PIK3C2A: variants seen among roughly 807,000 people sequenced by gnomAD.
PIK3C2A encodes phosphatidylinositol 4-phosphate 3-kinase C2 domain-containing subunit alpha.
A neutral mutation model predicts 204.5 loss-of-function variants in PIK3C2A; 97 were observed. That is an observed-to-expected ratio of 0.47 (90% confidence interval 0.40 to 0.56). PIK3C2A has a LOEUF of 0.56. PIK3C2A is among the 20% of genes least tolerant of loss of function. The pLI is 0.00. For synonymous variants in PIK3C2A, 653 were observed against 664.4 expected, an observed-to-expected ratio of 0.98 and a Z score of 0.26; for missense variants, 1,735 against 1,969.2, an observed-to-expected ratio of 0.88 and a Z score of 2.25.
chr11:17,101,607 CTTTTTTTT>C lies in PIK3C2A; in HGVS notation c.3852-181_3852-174del, dbSNP rs768044410. Among the ~76,000 whole-genome samples, 8 of 140,522 alleles carry C rather than the reference CTTTTTTTT, an allele frequency of 5.7e-5. No individual in the cohort carries two copies. In the Admixed American group the frequency reaches 5.7e-4, roughly 10 times the overall value. The allele number at this position is 140,522 out of a possible 152,430, so 92.2% of individuals were successfully genotyped here. A position where few individuals can be genotyped will look rare whatever the true frequency, so the allele number is the denominator to read the frequency against. ...TAAAATAACATTTTTCTTTTTTTTT[CTTTTTTTT>C]TTTTTTGAGACAGAGTCCTGCTCTG... On this transcript the variant is annotated intron_variant, in intron 24 of 32. Coordinates refer to ENST00000691414, the MANE Select transcript of PIK3C2A (RefSeq NM_002645.4).
rs1848214001 is a variant in PIK3C2A at position 17,088,656 on chromosome 11, A to C, written c.*1082T>G. 6.6e-6 allele frequency: 1 copy of C among 152,272 alleles called. No individual in the cohort carries two copies. The highest frequency in any genetic ancestry group is 6.5e-5 in the Admixed American group (1 of 15,288). 9.4% of individuals were successfully genotyped at this position (152,272 alleles called of 1,614,324 possible). ...ATGTGAATGTAAAATGTTTACACAC[A>C]TAAGTAAGACAGTTTACAAGACAAA... On this transcript the variant is annotated 3_prime_UTR_variant, in exon 33 of 33. Coordinates refer to ENST00000691414, the MANE Select transcript of PIK3C2A (RefSeq NM_002645.4).
chr11:17,106,798 T>C (rs1409440969), intron 22 of PIK3C2A, among the ~76,000 whole-genome samples: 2 of 152,162 alleles, frequency 1.3e-5, no homozygotes, highest in South Asian at 2.1e-4. Flanking sequence ...TAAAGTTACA[T>C]ATAAGACACA....
intron 2 of PIK3C2A, among the ~76,000 whole-genome samples, chr11:17,163,066 G>A (rs997808472): frequency 6.6e-6 from 1 of 152,158 alleles, no homozygotes; most frequent in African/African-American, 2.4e-5. Context: ...AGCACTTGGG[G>A]GGACTGAGGC....
intron 8 of PIK3C2A, among the ~76,000 whole-genome samples, chr11:17,143,755 G>A (rs7396958): frequency 0.42 from 63,826 of 151,942 alleles, 13,749 homozygotes; most frequent in Non-Finnish European, 0.47. Flanking sequence ...TGACCAACAT[G>A]GTGAAACCCT....
chr11:17,187,797 G>A (rs1038376412), intron 1 of PIK3C2A, among the ~76,000 whole-genome samples: 3 of 151,672 alleles, frequency 2.0e-5, no homozygotes, highest in Non-Finnish European at 2.9e-5. Flanking sequence ...ATATATACTC[G>A]CTCACAAACT....
At chr11:17,113,881 A>T (rs956187129) in intron 20 of PIK3C2A, among the ~76,000 whole-genome samples, 1 of 151,338 alleles carries the variant, frequency 6.6e-6, no homozygotes, top group African/African-American at 2.4e-5. Flanking sequence ...GGAGTTCAAG[A>T]CCAGCCTGGT....
chr11:17,149,019 A>G (rs562975352), intron 4 of PIK3C2A, among the ~76,000 whole-genome samples: 28 of 152,304 alleles, frequency 1.8e-4, no homozygotes, highest in African/African-American at 6.7e-4. Context: ...GGCCCTCTAT[A>G]TATGTTGGTT....
chr11:17,090,569 C>A (rs1446952828), intron 32 of PIK3C2A, among the ~76,000 whole-genome samples: 1 of 152,108 alleles, frequency 6.6e-6, no homozygotes, highest in African/African-American at 2.4e-5. Flanking sequence ...GACTAGACAA[C>A]CACTTTTTGT....
At chr11:17,102,148 A>G (rs1252985170) in intron 24 of PIK3C2A, among the ~76,000 whole-genome samples, 1 of 152,018 alleles carries the variant, frequency 6.6e-6, no homozygotes, top group Non-Finnish European at 1.5e-5. Flanking sequence ...TCATTTCAAC[A>G]AAGTTTAGCT....
intron 26 of PIK3C2A, 23 bp downstream of exon 26, chr11:17,099,837 C>T: frequency 1.0e-6 from 1 of 953,914 alleles, no homozygotes; most frequent in African/African-American, 1.6e-5. Context: ...GTTCCTTCTG[C>T]AATATACTTA....
At chr11:17,112,834 G>A (rs1164117083) in intron 20 of PIK3C2A, among the ~76,000 whole-genome samples, 168 bp from the exon 21 acceptor site, 2 of 152,002 alleles carry the variant, frequency 1.3e-5, no homozygotes, top group Non-Finnish European at 2.9e-5. Context: ...TACCCAGGCT[G>A]GAATGCAGTG....
chr11:17,149,421 A>G (rs939918605), intron 4 of PIK3C2A, among the ~76,000 whole-genome samples: 1 of 152,172 alleles, frequency 6.6e-6, no homozygotes, highest in Non-Finnish European at 1.5e-5. Flanking sequence ...TGTCTTTTAT[A>G]TCAGGGATTT....
intron 20 of PIK3C2A, among the ~76,000 whole-genome samples, 193 bp downstream of exon 20, chr11:17,114,168 C>T (rs1011332224): frequency 5.3e-5 from 8 of 151,032 alleles, no homozygotes; most frequent in African/African-American, 1.9e-4. Flanking sequence ...TAATTTTATA[C>T]TTTTTTTTTC....
At chr11:17,160,111 G>A (rs1253717850) in intron 2 of PIK3C2A, among the ~76,000 whole-genome samples, 2 of 152,178 alleles carry the variant, frequency 1.3e-5, no homozygotes, top group Admixed American at 6.5e-5. Flanking sequence ...TAGTCAAGCT[G>A]AAACATAAAA....
At chr11:17,179,114 C>A (rs1851444899) in intron 1 of PIK3C2A, among the ~76,000 whole-genome samples, 1 of 152,160 alleles carries the variant, frequency 6.6e-6, no homozygotes, top group Non-Finnish European at 1.5e-5. Flanking sequence ...ATCCGCCCAT[C>A]TCAGCCTCCC....
intron 2 of PIK3C2A, among the ~76,000 whole-genome samples, chr11:17,161,978 T>C (rs1401434359): frequency 1.3e-5 from 2 of 152,154 alleles, no homozygotes; most frequent in African/African-American, 4.8e-5. Context: ...AAACTTTATC[T>C]TCCTGTACAC....
At chr11:17,162,951 A>G (rs141484006) in intron 2 of PIK3C2A, among the ~76,000 whole-genome samples, 2 of 152,324 alleles carry the variant, frequency 1.3e-5, no homozygotes, top group East Asian at 3.9e-4. Flanking sequence ...TTAGGACAAC[A>G]GATTTTAAAA....
intron 2 of PIK3C2A, among the ~76,000 whole-genome samples, chr11:17,162,090 C>T (rs1850792354): frequency 6.6e-6 from 1 of 152,120 alleles, no homozygotes; most frequent in African/African-American, 2.4e-5. Context: ...CATCCCAGCA[C>T]TTTGGGAGGC....
rs1490183288 is a variant in PIK3C2A, at chr11:17,145,899, T to C, written c.1604A>G (p.Tyr535Cys). 6.2e-7 allele frequency: 1 copy of C among 1,613,682 alleles called. No homozygotes were observed. The highest frequency in any genetic ancestry group is 8.5e-7 in the Non-Finnish European group (1 of 1,179,892). ...ETPVDLNKHL[Y>C]QIEKPCKEAM... ...TTCTTTGCAAGGTTTTTCTATTTGA[T>C]ACAGGTGTTTGTTTAAATCCACGGG... is the stretch of plus-strand genomic sequence containing the variant. Residue 535 changes from tyrosine (Y) to cysteine (C), a missense_variant, in exon 7 of 33, where the codon TAT (tyrosine) becomes TGT (cysteine). Physicochemically the swap from Tyr to Cys is radical, Grantham distance 194 (BLOSUM62 -2). This residue lies in a region of PIK3C2A where 106 missense variants were observed against 108.2 expected (regional missense o/e 0.98). Transcript: ENST00000691414.
Sources: gnomAD v4.1 joint callset for allele counts (sites outside exome capture counted in the v4.1 genomes callset) on GRCh38, gnomAD v4.1.1 for gene constraint, gnomAD v4.1.1 regional missense constraint, MANE v1.5 for transcripts, NCBI Gene and HGNC (gene_info 2026-07-23, HGNC 2026-07-21) for gene names.